Variants in SNTG1 observed in about 807,000 individuals in gnomAD.
The protein encoded by SNTG1 is gamma-1-syntrophin.
In SNTG1, 39 loss-of-function variants were observed where a neutral mutation model predicts 74.7. That is an observed-to-expected ratio of 0.52 (90% CI 0.40 to 0.68). The LOEUF (loss-of-function observed/expected upper bound fraction) is 0.68. Among genes scored for constraint, SNTG1 ranks in the 30% least tolerant of loss-of-function variants. The pLI is 0.00. For synonymous variants in SNTG1, 254 were observed against 217.1 expected (o/e 1.17, Z -1.49); for missense variants, 685 against 609.5 (o/e 1.12, Z -1.30).
chr8:49,974,009 G>T (rs1007837063), intron 1 of SNTG1, among the ~76,000 whole-genome samples: 2 of 152,008 alleles, frequency 1.3e-5, no homozygotes, highest in African/African-American at 4.8e-5. Context: ...AGAATGTTAG[G>T]CTGTTTCCTC....
chr8:50,226,012 G>A (rs764512250), intron 2 of SNTG1, among the ~76,000 whole-genome samples: 5 of 152,062 alleles, frequency 3.3e-5, no homozygotes, highest in Non-Finnish European at 5.9e-5. Context: ...ACATGATACC[G>A]ATTCTTTATA....
At chr8:50,200,940 C>A (rs2083963208) in intron 2 of SNTG1, among the ~76,000 whole-genome samples, 1 of 152,098 alleles carries the variant, frequency 6.6e-6, no homozygotes, top group Non-Finnish European at 1.5e-5. Flanking sequence ...GTGTACAAAT[C>A]TTAATTTATT....
intron 8 of SNTG1, among the ~76,000 whole-genome samples, chr8:50,470,849 G>A (rs556145429): frequency 3.3e-5 from 5 of 152,272 alleles, no homozygotes; most frequent in Non-Finnish European, 7.4e-5. Context: ...GCTGCAGGGG[G>A]CTCTGGTGGC....
intron 2 of SNTG1, among the ~76,000 whole-genome samples, chr8:50,373,543 G>A (rs942066152): frequency 6.6e-6 from 1 of 152,148 alleles, no homozygotes; most frequent in Admixed American, 6.5e-5. Flanking sequence ...TGTACAATAT[G>A]TGCCTCAGTT....
At chr8:50,777,199 A>T (rs1035801184) in intron 18 of SNTG1, among the ~76,000 whole-genome samples, 3 of 145,464 alleles carry the variant, frequency 2.1e-5, no homozygotes, top group Non-Finnish European at 3.0e-5. Context: ...CATTTTTTGG[A>T]CTCTGAAGAC....
At chr8:50,013,312 C>T (rs1031714270) in intron 1 of SNTG1, among the ~76,000 whole-genome samples, 1 of 151,994 alleles carries the variant, frequency 6.6e-6, no homozygotes, top group African/African-American at 2.4e-5. Flanking sequence ...GGCAAAATAG[C>T]ACCTCGTCAT....
intron 2 of SNTG1, among the ~76,000 whole-genome samples, chr8:50,353,176 G>T (rs1329521355): frequency 3.4e-5 from 5 of 148,258 alleles, no homozygotes; most frequent in Non-Finnish European, 7.4e-5. Flanking sequence ...AACGCCAGAT[G>T]TTCTCACTCA....
At chr8:50,151,817 G>A (rs990838617) in intron 1 of SNTG1, among the ~76,000 whole-genome samples, 4 of 152,274 alleles carry the variant, frequency 2.6e-5, no homozygotes, top group African/African-American at 9.6e-5. Context: ...GCTAAGGAGT[G>A]CTTTACTTCC....
Position 50,598,457 on chromosome 8 carries a change from G to A in SNTG1, c.849+7540G>A, listed in dbSNP as rs1415034522. Among the ~76,000 whole-genome samples the A allele has an allele frequency of 6.6e-5, 10 of 151,868 alleles. No individual in the cohort carries two copies. In the East Asian group the frequency reaches 1.9e-3, roughly 29 times the overall value. ...GGTTTATGTATCTGTTTTTATGCCA[G>A]AACCATACATTTTATTTACTATATC... On this transcript the variant is annotated intron_variant, in intron 13 of 18. Transcript: ENST00000642720.
intron 1 of SNTG1, among the ~76,000 whole-genome samples, chr8:49,934,280 G>GATAT (rs1807848127): frequency 6.8e-6 from 1 of 146,390 alleles, no homozygotes; most frequent in Admixed American, 6.9e-5. Flanking sequence ...ATACTATATA[G>GATAT]ATCTATCTAT....
chr8:50,677,256 A>T (rs1242107945), intron 15 of SNTG1, among the ~76,000 whole-genome samples: 2 of 152,004 alleles, frequency 1.3e-5, no homozygotes, highest in East Asian at 3.9e-4. Context: ...ATGTGAGAGT[A>T]CATCTATATT....
chr8:49,997,414 T>C lies in SNTG1; in HGVS notation c.-103+85183T>C, dbSNP rs1310905279. Among the ~76,000 whole-genome samples, 11 of 152,256 alleles carry C rather than the reference T, an allele frequency of 7.2e-5. No homozygotes were observed. In the East Asian group the frequency reaches 2.1e-3, roughly 29 times the overall value. ...AAAGCTAAAAATTAATTTTCTGTAA[T>C]TACCACCTTATTTCTCTGCTCCCTT... On this transcript the variant is annotated intron_variant, in intron 1 of 18. Transcript: ENST00000642720.
At chr8:50,762,237 G>A (rs2095601011) in intron 18 of SNTG1, among the ~76,000 whole-genome samples, 1 of 151,966 alleles carries the variant, frequency 6.6e-6, no homozygotes, top group South Asian at 2.1e-4. Context: ...CATTACTAAT[G>A]AAGTCTAACA....
intron 1 of SNTG1, among the ~76,000 whole-genome samples, chr8:50,159,968 T>C (rs920861843): frequency 2.6e-5 from 4 of 152,180 alleles, no homozygotes; most frequent in African/African-American, 9.6e-5. Context: ...CCCAATTACC[T>C]AAGTTGGGCC....
At chr8:50,489,820 T>C (rs1048301596) in intron 8 of SNTG1, among the ~76,000 whole-genome samples, 9 of 152,214 alleles carry the variant, frequency 5.9e-5, no homozygotes, top group Non-Finnish European at 7.3e-5. Context: ...TTGCTTTTGG[T>C]GTTTTAGTCA....
At chr8:50,498,104 T>C (rs1438800286) in intron 8 of SNTG1, among the ~76,000 whole-genome samples, 1 of 152,000 alleles carries the variant, frequency 6.6e-6, no homozygotes, top group Non-Finnish European at 1.5e-5. Context: ...ACATTTACTC[T>C]GATTTCTCTT....
At chr8:50,468,254 T>C (rs2093625204) in intron 8 of SNTG1, among the ~76,000 whole-genome samples, 1 of 152,058 alleles carries the variant, frequency 6.6e-6, no homozygotes, top group African/African-American at 2.4e-5. Context: ...AATAAACATA[T>C]ATTTCTCCTT....
chr8:50,645,939 T>C (rs1453400016), intron 13 of SNTG1, among the ~76,000 whole-genome samples: 5 of 152,138 alleles, frequency 3.3e-5, no homozygotes. Flanking sequence ...GCTTTTCTTT[T>C]CCCAGGCAGC....
At chr8:50,398,907 G>C (rs187667256) in intron 3 of SNTG1, among the ~76,000 whole-genome samples, 2 of 152,188 alleles carry the variant, frequency 1.3e-5, no homozygotes, top group East Asian at 3.9e-4. Flanking sequence ...TCCAGCCTGG[G>C]GCAACAAGAG....
Sources: gnomAD v4.1 joint callset for allele counts (sites outside exome capture counted in the v4.1 genomes callset) on GRCh38, gnomAD v4.1.1 for gene constraint, MANE v1.5 for transcripts, NCBI Gene and HGNC (gene_info 2026-07-23, HGNC 2026-07-21) for gene names.